YTHDC1: variants seen among roughly 807,000 people sequenced by gnomAD.
YTHDC1 encodes the protein YTH N6-methyladenosine RNA binding protein C1, also known as YTH domain-containing protein 1.
Under a neutral mutation model 107.0 loss-of-function variants are expected in YTHDC1, and 12 were observed. The ratio of observed to expected loss-of-function variants is 0.11; its 90% confidence interval spans 0.07 to 0.18. The LOEUF (loss-of-function observed/expected upper bound fraction) is 0.18, where lower values mean the gene tolerates loss of function less well. Ranked by LOEUF, YTHDC1 falls within the 10% of genes least tolerant of loss-of-function variation. The pLI is 1.00. For missense variants in YTHDC1, 635 were observed against 898.8 expected, an observed-to-expected ratio of 0.71 and a Z score of 3.75; for synonymous variants, 280 against 289.5, an observed-to-expected ratio of 0.97 and a Z score of 0.33.
chr4:68,327,184 C>T (rs1239655179), intron 9 of YTHDC1, among the ~76,000 whole-genome samples: 3 of 151,718 alleles, frequency 2.0e-5, no homozygotes, highest in Non-Finnish European at 4.4e-5. Context: ...TGTGGTGAGC[C>T]GAGATTGCGC....
chr4:68,323,038 G>A, intron 10 of YTHDC1, 123 bp from the exon 11 acceptor site: 2 of 864,588 alleles, frequency 2.3e-6, no homozygotes, highest in African/African-American at 1.7e-5. Flanking sequence ...ATGATCATAT[G>A]GGATTCCAAT....
At chr4:68,343,411 AG>A (rs1725065959) in intron 1 of YTHDC1, among the ~76,000 whole-genome samples, 1 of 151,380 alleles carries the variant, frequency 6.6e-6, no homozygotes, top group Admixed American at 6.6e-5. Context: ...CATGTTGTCC[AG>A]GCTGTTCTCG....
chr4:68,339,044 G>GT (rs1210322772), intron 1 of YTHDC1, among the ~76,000 whole-genome samples: 3 of 152,016 alleles, frequency 2.0e-5, no homozygotes, highest in South Asian at 2.1e-4. Context: ...ATACAAATAC[G>GT]TATGTACAAC....
chr4:68,319,930 G>A (rs183973673), intron 12 of YTHDC1, among the ~76,000 whole-genome samples, 193 bp downstream of exon 12: 34 of 152,194 alleles, frequency 2.2e-4, no homozygotes, highest in Admixed American at 4.6e-4. Flanking sequence ...CACTGGAATA[G>A]ACTAGACAAC....
At chr4:68,327,334 G>T (rs1170962748) in intron 9 of YTHDC1, among the ~76,000 whole-genome samples, 5 of 152,216 alleles carry the variant, frequency 3.3e-5, no homozygotes, top group Non-Finnish European at 7.3e-5. Context: ...GTCAGTAAAT[G>T]TAACTCTGGA....
chr4:68,332,981 A>G, intron 5 of YTHDC1, 134 bp from the exon 6 acceptor site: 1 of 733,282 alleles, frequency 1.4e-6, no homozygotes, highest in South Asian at 1.9e-5. Context: ...CACAAAAAAA[A>G]CTTCTCAATG....
In YTHDC1 at chr4:68,323,052, A is replaced by G. The variant is rs191598823; in HGVS notation, c.1435-137T>C. The stretch of plus-strand genomic sequence containing the variant: ...GATGATCATATGGGATTCCAATAAG[A>G]CTTCCAGATTTATAAAACATTTAAA... On this transcript the variant is annotated intron_variant, in intron 10 of 16. Transcript: ENST00000344157. 96 of 728,216 alleles carry G rather than the reference A, an allele frequency of 1.3e-4. No homozygotes were observed. The African/African-American group carries it at 1.5e-3, about 12-fold the overall frequency. The allele number at this position is 728,216 out of a possible 1,614,324, so 45.1% of individuals were successfully genotyped here.
intron 1 of YTHDC1, among the ~76,000 whole-genome samples, chr4:68,347,053 G>T (rs1364329006): frequency 6.6e-6 from 1 of 152,122 alleles, no homozygotes; most frequent in Non-Finnish European, 1.5e-5. Flanking sequence ...GTCAGTCAAT[G>T]AAGTCCAACC....
chr4:68,335,758 C>G (rs1724087976), intron 4 of YTHDC1, among the ~76,000 whole-genome samples: 1 of 151,646 alleles, frequency 6.6e-6, no homozygotes, highest in African/African-American at 2.4e-5. Context: ...AAAATATATC[C>G]TATCAGTTTG....
At position 68,333,413 on chromosome 4, in the gene YTHDC1, GTTT is replaced by G. The variant is rs745405437; in HGVS notation, c.884-19_884-17del. On this transcript the variant is annotated splice_polypyrimidine_tract_variant and intron_variant, in intron 4 of 16. Transcript: ENST00000344157. ...TTTTTCTCATCTAAAAAGAACAAGA[GTTT>G]TTTTTTTAAATCACAATACAGAAAC... 1.4e-6 allele frequency: 2 copies of G among 1,415,978 alleles called. No homozygotes were observed. The highest frequency in any genetic ancestry group is 2.5e-5 in the East Asian group (1 of 39,902). 87.7% of individuals were successfully genotyped at this position (1,415,978 alleles called of 1,614,324 possible). A position where few individuals can be genotyped will look rare whatever the true frequency, so the allele number is the denominator to read the frequency against.
At chr4:68,340,261 A>G (rs148066236) in intron 1 of YTHDC1, among the ~76,000 whole-genome samples, 11 of 152,230 alleles carry the variant, frequency 7.2e-5, no homozygotes, top group Non-Finnish European at 1.6e-4. Flanking sequence ...AAAAGATATC[A>G]TTTTCCTTTA....
intron 9 of YTHDC1, among the ~76,000 whole-genome samples, chr4:68,327,188 A>G (rs1723085409): frequency 6.6e-6 from 1 of 151,980 alleles, no homozygotes; most frequent in East Asian, 2.0e-4. Context: ...GTGAGCCGAG[A>G]TTGCGCCATT....
In YTHDC1 at chr4:68,320,198, G is replaced by A. The variant is rs543297037; in HGVS notation, c.1609C>T (p.Pro537Ser). 6.2e-7 allele frequency: 1 copy of A among 1,605,234 alleles called. No individual in the cohort carries two copies. The highest frequency in any genetic ancestry group is 2.2e-5 in the East Asian group (1 of 44,570). Residue 537 changes from proline (P) to serine (S), a missense_variant, in exon 12 of 17, where the codon CCA becomes TCA. Transcript: ENST00000344157. ...CTGTTATGAATATCATAATCTTCTG[G>A]TCGACGCCTACACAAATTAGACACA... ...EPVRDVGRRR[P>S]EDYDIHNSRK... is the part of the protein sequence containing the mutation.
intron 16 of YTHDC1, chr4:68,316,040 G>C (rs1242709567): frequency 3.7e-6 from 1 of 267,302 alleles, no homozygotes; most frequent in African/African-American, 2.2e-5. Context: ...AATATGGAAA[G>C]AACATAGCCT....
At chr4:68,318,764 G>GT (rs1336030563) in intron 13 of YTHDC1, 35 bp from the exon 14 acceptor site, 1 of 1,613,910 alleles carries the variant, frequency 6.2e-7, no homozygotes, top group African/African-American at 1.3e-5. Context: ...CTAAATTCAG[G>GT]TAATTCATAA....
At chr4:68,337,960 C>A in intron 2 of YTHDC1, 60 bp from the exon 3 acceptor site, 3 of 1,540,082 alleles carry the variant, frequency 1.9e-6, no homozygotes, top group Non-Finnish European at 1.7e-6. Flanking sequence ...ATTTATTTCA[C>A]CAAAGACTGA....
In YTHDC1 at chr4:68,337,051, A is replaced by G; in HGVS notation, c.859T>C (p.Ser287Pro). The G allele has an allele frequency of 5.6e-6, 9 of 1,613,034 alleles. No individual in the cohort carries two copies. The highest frequency in any genetic ancestry group is 7.6e-6 in the Non-Finnish European group (9 of 1,179,410). ...SVSFTDGSVR[S>P]GSGTDGSDEK... is the part of the protein sequence containing the mutation. ...CCTGATCCATCTGTGCCTGAACCAGATCTGACAGACCCATCTGTGAAGGAA... is the reference window on the plus strand; with the variant it reads ...CCTGATCCATCTGTGCCTGAACCAGGTCTGACAGACCCATCTGTGAAGGAA... Residue 287 changes from serine to proline, a missense_variant, in exon 4 of 17, where the codon TCT (serine) becomes CCT (proline). Physicochemically the swap from Ser to Pro is moderately conservative, Grantham distance 74. Coordinates refer to ENST00000344157, the MANE Select transcript of YTHDC1 (RefSeq NM_001031732.4).
chr4:68,331,181 C>T (rs963370672), intron 7 of YTHDC1, among the ~76,000 whole-genome samples: 1 of 152,136 alleles, frequency 6.6e-6, no homozygotes, highest in African/African-American at 2.4e-5. Context: ...AGTTGTTATA[C>T]TGTGTTTAAG....
rs187890492 is a variant in YTHDC1, at chr4:68,331,764, A to G, written c.1122+339T>C. On this transcript the variant is annotated intron_variant, in intron 7 of 16. Coordinates refer to ENST00000344157, the MANE Select transcript of YTHDC1 (RefSeq NM_001031732.4). ...AACATAAAACAAAAATTGGTTAACT[A>G]CAGGTACTTTTAGAAGTGTTAGCAC... Among the ~76,000 whole-genome samples the G allele has an allele frequency of 1.6e-4, 24 of 152,226 alleles. No homozygotes were observed. In the East Asian group the frequency reaches 4.1e-3, roughly 26 times the overall value.
Sources: allele counts gnomAD v4.1 joint callset (sites outside exome capture counted in the v4.1 genomes callset), GRCh38; gene constraint gnomAD v4.1.1; transcripts MANE v1.5; gene names NCBI Gene and HGNC (gene_info 2026-07-23, HGNC 2026-07-21).